Variants in DISP1 observed in about 807,000 individuals in gnomAD.
DISP1 encodes the protein dispatched RND transporter family member 1, also known as protein dispatched homolog 1.
Under a neutral mutation model 37.3 loss-of-function variants are expected in DISP1, and 30 were observed. That is an observed-to-expected ratio of 0.80 (90% CI 0.60 to 1.09). The LOEUF (loss-of-function observed/expected upper bound fraction) is 1.09, where lower values mean the gene tolerates loss of function less well. Ranked by LOEUF, DISP1 falls within the 50% of genes least tolerant of loss-of-function variation. The pLI, the probability that DISP1 is intolerant of heterozygous loss-of-function variation, is 0.00. For synonymous variants in DISP1, 634 were observed against 690.2 expected (o/e 0.92, Z 1.28); for missense variants, 1,598 against 1,879.5 (o/e 0.85, Z 2.77).
intron 1 of DISP1, among the ~76,000 whole-genome samples, chr1:222,822,680 A>C (rs1165301431): frequency 6.6e-6 from 1 of 152,196 alleles, no homozygotes; most frequent in African/African-American, 2.4e-5. Flanking sequence ...ACAATTCTAC[A>C]GTTGATAAGT....
At chr1:222,840,187 A>G (rs942459147) in intron 1 of DISP1, among the ~76,000 whole-genome samples, 1 of 152,160 alleles carries the variant, frequency 6.6e-6, no homozygotes, top group African/African-American at 2.4e-5. Flanking sequence ...AAGTCGAACT[A>G]TTATAAATCA....
intron 2 of DISP1, among the ~76,000 whole-genome samples, chr1:222,937,422 C>A (rs1004105506): frequency 6.6e-6 from 1 of 151,970 alleles, no homozygotes. Flanking sequence ...AATTTACTTG[C>A]GTTATGTATT....
Position 222,937,160 on chromosome 1 carries a change from G to T in DISP1, c.-17-5647G>T, listed in dbSNP as rs553935679. The stretch of plus-strand genomic sequence containing the variant: ...GCTGGAGTGCAGTGGCGTGATCTCG[G>T]CTCACTGCAAGGTCCGCCTCCTGGG... On this transcript the variant is annotated intron_variant, in intron 2 of 8. Transcript: ENST00000675850. 2.0e-5 allele frequency among the ~76,000 whole-genome samples: 3 copies of T among 148,460 alleles called. No individual in the cohort carries two copies. The Admixed American group carries it at 2.1e-4, about 10-fold the overall frequency.
intron 1 of DISP1, among the ~76,000 whole-genome samples, chr1:222,816,682 G>A (rs1015299652): frequency 2.0e-5 from 3 of 152,156 alleles, no homozygotes; most frequent in Admixed American, 6.5e-5. Context: ...CAGTTATAAC[G>A]TCCTTATGTT....
Position 222,828,612 on chromosome 1 carries a change from T to C in DISP1, c.-159+13534T>C, listed in dbSNP as rs545272128. Among the ~76,000 whole-genome samples, 55 of 152,346 alleles carry C rather than the reference T, an allele frequency of 3.6e-4. No individual in the cohort carries two copies. In the South Asian group the frequency reaches 0.011, roughly 30 times the overall value. On this transcript the variant is annotated intron_variant, in intron 1 of 8. Transcript: ENST00000675850. ...CAGGAGCTTTATGTGAGATGGTCTTTGCTCAGGCTCTCCATTTCGTACAGG... is the reference window on the plus strand; with the variant it reads ...CAGGAGCTTTATGTGAGATGGTCTTCGCTCAGGCTCTCCATTTCGTACAGG...
chr1:222,970,494 A>G (rs1457476106), intron 3 of DISP1, among the ~76,000 whole-genome samples: 2 of 152,150 alleles, frequency 1.3e-5, no homozygotes, highest in Non-Finnish European at 2.9e-5. Flanking sequence ...TTTAACATCA[A>G]ATTTTGATTA....
chr1:222,941,915 CT>C lies in DISP1; in HGVS notation c.-17-878del, dbSNP rs369312758. Among the ~76,000 whole-genome samples the C allele has an allele frequency of 9.3e-3, 1,296 of 139,452 alleles. 13 individuals carry two copies. Among genetic ancestry groups the C allele is most frequent in the African/African-American group, 0.025 (955 of 38,198 alleles). 91.5% of individuals were successfully genotyped at this position (139,452 alleles called of 152,430 possible). On this transcript the variant is annotated intron_variant, in intron 2 of 8. Transcript: ENST00000675850. ...AATAGACTAATAGCATTTGATGACCCTTTTTTTTTTTTTTACTGTGAATTCC... is the reference window on the plus strand; with the variant it reads ...AATAGACTAATAGCATTTGATGACCCTTTTTTTTTTTTTACTGTGAATTCC...
intron 8 of DISP1, among the ~76,000 whole-genome samples, chr1:222,997,176 T>G (rs1045105770): frequency 1.3e-5 from 2 of 151,980 alleles, no homozygotes; most frequent in Non-Finnish European, 2.9e-5. Context: ...ATAAGTTGAA[T>G]GAAATACATG....
chr1:222,935,236 A>G (rs1673647094), intron 2 of DISP1, among the ~76,000 whole-genome samples: 1 of 152,130 alleles, frequency 6.6e-6, no homozygotes, highest in Non-Finnish European at 1.5e-5. Context: ...ACCTACTGAA[A>G]CTGCTCTAGG....
At chr1:222,870,297 G>A (rs373684661) in intron 1 of DISP1, among the ~76,000 whole-genome samples, 442 of 151,878 alleles carry the variant, frequency 2.9e-3, no homozygotes, top group African/African-American at 0.01. Context: ...TCCTTTGGGT[G>A]TATACCCAGT....
intron 1 of DISP1, among the ~76,000 whole-genome samples, chr1:222,867,732 C>T (rs758751814): frequency 4.6e-5 from 7 of 152,304 alleles, no homozygotes; most frequent in Admixed American, 3.9e-4. Context: ...TTATGGTTCT[C>T]TGTCAGGTGT....
chr1:222,891,966 T>C (rs1572440586), intron 1 of DISP1, among the ~76,000 whole-genome samples: 1 of 151,878 alleles, frequency 6.6e-6, no homozygotes. Context: ...CTTGTATGAC[T>C]GAAAACCAAG....
At chr1:222,911,686 A>G (rs1672217518) in intron 1 of DISP1, among the ~76,000 whole-genome samples, 1 of 151,834 alleles carries the variant, frequency 6.6e-6, no homozygotes, top group Admixed American at 6.6e-5. Context: ...CATCCAGCTA[A>G]TTTTTTGTTT....
intron 1 of DISP1, among the ~76,000 whole-genome samples, chr1:222,889,701 T>A (rs1670837320): frequency 6.6e-6 from 1 of 152,158 alleles, no homozygotes; most frequent in African/African-American, 2.4e-5. Flanking sequence ...AAATATCTTT[T>A]AAAAATTACT....
intron 1 of DISP1, among the ~76,000 whole-genome samples, chr1:222,910,464 A>C (rs929044249): frequency 6.6e-6 from 1 of 152,210 alleles, no homozygotes; most frequent in African/African-American, 2.4e-5. Flanking sequence ...AACCTTTCTA[A>C]AAGAAATACT....
intron 1 of DISP1, among the ~76,000 whole-genome samples, chr1:222,821,080 G>C (rs987224675): frequency 2.6e-5 from 4 of 152,094 alleles, no homozygotes; most frequent in African/African-American, 9.7e-5. Flanking sequence ...GCCATATGTA[G>C]AGTACTTCTC....
intron 1 of DISP1, among the ~76,000 whole-genome samples, chr1:222,889,157 TATGGC>T (rs1401188580): frequency 6.6e-6 from 1 of 152,132 alleles, no homozygotes; most frequent in African/African-American, 2.4e-5. Context: ...TATTACACTA[TATGGC>T]ATATTTTGGG....
At chr1:222,971,658 GTAT>G (rs1676967665) in intron 3 of DISP1, among the ~76,000 whole-genome samples, 1 of 152,106 alleles carries the variant, frequency 6.6e-6, no homozygotes, top group Non-Finnish European at 1.5e-5. Flanking sequence ...AATTATGATT[GTAT>G]TTATACTTTT....
At chr1:222,825,730 T>C (rs1664211963) in intron 1 of DISP1, among the ~76,000 whole-genome samples, 1 of 152,118 alleles carries the variant, frequency 6.6e-6, no homozygotes, top group Non-Finnish European at 1.5e-5. Context: ...CTCGAACTCC[T>C]GGCCTCAAGC....
Sources: allele counts gnomAD v4.1 joint callset (sites outside exome capture counted in the v4.1 genomes callset), GRCh38; gene constraint gnomAD v4.1.1; transcripts MANE v1.5; gene names NCBI Gene and HGNC (gene_info 2026-07-23, HGNC 2026-07-21).